The following PCDHGA5 variants were observed in gnomAD, a reference collection of about 807,000 sequenced individuals.
PCDHGA5 encodes the protein protocadherin gamma subfamily A, 5.
PCDHGA5 carries 36 observed loss-of-function variants against 56.7 expected under a neutral mutation model. The observed-to-expected ratio is 0.64, with a 90% CI of 0.49 to 0.84. The LOEUF (loss-of-function observed/expected upper bound fraction) is 0.84, where lower values mean the gene tolerates loss of function less well. Ranked by LOEUF, PCDHGA5 falls within the 40% of genes least tolerant of loss-of-function variation. PCDHGA5 has a pLI of 0.00. For missense variants in PCDHGA5, 1,305 were observed against 1,201.5 expected, an observed-to-expected ratio of 1.09 and a Z score of -1.27; for synonymous variants, 563 against 520.2, an observed-to-expected ratio of 1.08 and a Z score of -1.12.
Position 141,410,397 on chromosome 5 carries a change from G to T in PCDHGA5, c.2421+43646G>T, listed in dbSNP as rs1338071222. Reference sequence around the variant, plus strand: ...TGGGACTGCTTCCATCCTGGTCTCTGTGTCAAGTCTGGACCTGTAGTTCCC... The same window carrying T: ...TGGGACTGCTTCCATCCTGGTCTCTTTGTCAAGTCTGGACCTGTAGTTCCC... On this transcript the variant is annotated intron_variant, in intron 1 of 3. Coordinates refer to ENST00000518069, the MANE Select transcript of PCDHGA5 (RefSeq NM_018918.3). The T allele has an allele frequency of 3.7e-6, 6 of 1,613,930 alleles. No homozygotes were observed. The African/African-American group carries it at 8.0e-5, about 22-fold the overall frequency.
At chr5:141,370,834 T>C in intron 1 of PCDHGA5, 1 of 1,614,012 alleles carries the variant, frequency 6.2e-7, no homozygotes. Context: ...GAACTGGCTC[T>C]CACTGGAGCC....
intron 1 of PCDHGA5, chr5:141,414,452 T>C (rs767824112): frequency 6.2e-7 from 1 of 1,613,886 alleles, no homozygotes. Flanking sequence ...AATATCACAG[T>C]GACAGCCACA....
rs763239421 is a variant in PCDHGA5, at chr5:141,477,265, G to C, written c.2422-17542G>C. 1 of 1,614,198 alleles carries C rather than the reference G, an allele frequency of 6.2e-7. No homozygotes were observed. Among genetic ancestry groups the C allele is most frequent in the Admixed American group, 1.7e-5 (1 of 60,020 alleles). On this transcript the variant is annotated intron_variant, in intron 1 of 3. Coordinates refer to ENST00000518069, the MANE Select transcript of PCDHGA5 (RefSeq NM_018918.3). The surrounding 1 kb of genome is among the most constrained non-coding windows in gnomAD (Gnocchi z 4.9). ...GTGTGACTGACCTGGATGCTGGCGA[G>C]AACGGGCTGGTGACCTGCGAAGTTC...
At chr5:141,369,999 A>C (rs995138311) in intron 1 of PCDHGA5, among the ~76,000 whole-genome samples, 3 of 152,262 alleles carry the variant, frequency 2.0e-5, no homozygotes, top group African/African-American at 7.2e-5. Flanking sequence ...TAAAGCTCAA[A>C]TTAAAAGAAA....
chr5:141,427,222 A>G (rs536161247), intron 1 of PCDHGA5: 1 of 456,774 alleles, frequency 2.2e-6, no homozygotes, highest in South Asian at 1.5e-5. Flanking sequence ...CGTAGCAGTT[A>G]TACCATGAGA....
chr5:141,402,770 G>A (rs1381501918), intron 1 of PCDHGA5, among the ~76,000 whole-genome samples: 1 of 152,154 alleles, frequency 6.6e-6, no homozygotes, highest in Non-Finnish European at 1.5e-5. Context: ...GACTCCATCC[G>A]GATTTCCAGT....
intron 1 of PCDHGA5, chr5:141,385,005 C>A (rs754312286): frequency 6.8e-6 from 11 of 1,614,138 alleles, no homozygotes; most frequent in South Asian, 4.4e-5. Context: ...CAGTCTCCTG[C>A]GTCTTCCTAG....
intron 1 of PCDHGA5, chr5:141,410,735 T>A (rs2095420224): frequency 1.5e-6 from 2 of 1,336,188 alleles, no homozygotes; most frequent in East Asian, 4.7e-5. Context: ...CATAGCTTTT[T>A]ACAATATTTT....
rs2099746867 is a variant in PCDHGA5, at chr5:141,493,199, C to T, written c.2422-1608C>T. Among the ~76,000 whole-genome samples the T allele has an allele frequency of 6.6e-6, 1 of 152,168 alleles. No individual in the cohort carries two copies. Among genetic ancestry groups the T allele is most frequent in the Non-Finnish European group, 1.5e-5 (1 of 68,020 alleles). ...CTTACTATATAACTCCTTTGAGAAC[C>T]TCATCTCATTTGCTCTTCCCACCAT... On this transcript the variant is annotated intron_variant, in intron 1 of 3. Coordinates refer to ENST00000518069, the MANE Select transcript of PCDHGA5 (RefSeq NM_018918.3). This position sits in a 1 kb window ranked among gnomAD's most constrained non-coding sequence, Gnocchi z 4.3.
At chr5:141,434,240 T>A (rs979144259) in intron 1 of PCDHGA5, among the ~76,000 whole-genome samples, 1 of 152,336 alleles carries the variant, frequency 6.6e-6, no homozygotes, top group East Asian at 1.9e-4. Flanking sequence ...CTGGACTAGA[T>A]GACTTGGGCA....
intron 1 of PCDHGA5, chr5:141,478,523 G>A: frequency 1.2e-6 from 2 of 1,609,908 alleles, no homozygotes; most frequent in Non-Finnish European, 1.7e-6. Flanking sequence ...GGTGTTGGGT[G>A]CAGAGAGCGC....
At chr5:141,430,841 T>C (rs757539834) in intron 1 of PCDHGA5, 1 of 1,566,462 alleles carries the variant, frequency 6.4e-7, no homozygotes, top group South Asian at 1.2e-5. Flanking sequence ...GGAGACCGGA[T>C]GCACCCAGAT....
intron 1 of PCDHGA5, chr5:141,409,530 C>G: frequency 6.2e-7 from 1 of 1,613,994 alleles, no homozygotes. Flanking sequence ...TTGTATGTCG[C>G]TGACATCAAC....
chr5:141,367,112 C>G (rs1261391060), intron 1 of PCDHGA5: 1 of 221,008 alleles, frequency 4.5e-6, no homozygotes, highest in South Asian at 7.2e-5. Context: ...GCCTAGACAC[C>G]ATTAGTGAAT....
chr5:141,371,081 G>A, intron 1 of PCDHGA5: 1 of 1,613,852 alleles, frequency 6.2e-7, no homozygotes, highest in Non-Finnish European at 8.5e-7. Context: ...CCCAGATCAG[G>A]GTAATTGTCG....
chr5:141,449,842 A>G (rs893220311), intron 1 of PCDHGA5, among the ~76,000 whole-genome samples: 4 of 151,700 alleles, frequency 2.6e-5, no homozygotes, highest in Non-Finnish European at 4.4e-5. Flanking sequence ...TTATATAATT[A>G]AATTTTAATA....
intron 1 of PCDHGA5, chr5:141,394,148 T>C (rs2092927771): frequency 6.2e-7 from 1 of 1,613,768 alleles, no homozygotes; most frequent in African/African-American, 1.3e-5. Context: ...TGGCAGACAT[T>C]AACGACAACC....
At chr5:141,428,836 C>T (rs926107154) in intron 1 of PCDHGA5, 1 of 150,686 alleles carries the variant, frequency 6.6e-6, no homozygotes, top group African/African-American at 2.5e-5. Context: ...ATTTTTGAAA[C>T]ATTTTCACCA....
At position 141,477,681 on chromosome 5, in the gene PCDHGA5, T is replaced by C; in HGVS notation, c.2422-17126T>C. On this transcript the variant is annotated intron_variant, in intron 1 of 3. Coordinates refer to ENST00000518069, the MANE Select transcript of PCDHGA5 (RefSeq NM_018918.3). The surrounding 1 kb of genome is among the most constrained non-coding windows in gnomAD (Gnocchi z 4.9). The stretch of plus-strand genomic sequence containing the variant: ...CGTGACAATGGCATAGTGTCATCCT[T>C]AGTGCCCCTAGACTATGAGGATCGG... 6.2e-7 allele frequency: 1 copy of C among 1,614,180 alleles called. No individual in the cohort carries two copies. The highest frequency in any genetic ancestry group is 8.5e-7 in the Non-Finnish European group (1 of 1,180,046).
Sources: allele counts gnomAD v4.1 joint callset (sites outside exome capture counted in the v4.1 genomes callset), GRCh38; gene constraint gnomAD v4.1.1; non-coding constraint Gnocchi (gnomAD v3.1); transcripts MANE v1.5; gene names NCBI Gene and HGNC (gene_info 2026-07-23, HGNC 2026-07-21).